The following OSBPL5 variants were observed in gnomAD, a reference collection of about 807,000 sequenced individuals.
The protein encoded by OSBPL5 is oxysterol binding protein like 5.
In OSBPL5, 71 loss-of-function variants were observed where a neutral mutation model predicts 111.2. That is an observed-to-expected ratio of 0.64 (90% CI 0.53 to 0.78). OSBPL5 has a LOEUF of 0.78. Among genes scored for constraint, OSBPL5 ranks in the 30% least tolerant of loss-of-function variants. The pLI, the probability that OSBPL5 is intolerant of heterozygous loss-of-function variation, is 0.00. For missense variants in OSBPL5, 1,210 were observed against 1,189.3 expected (o/e 1.02, Z -0.26); for synonymous variants, 549 against 513.9 (o/e 1.07, Z -0.93).
intron 1 of OSBPL5, among the ~76,000 whole-genome samples, chr11:3,160,474 G>A (rs1846923170): frequency 6.6e-6 from 1 of 152,220 alleles, no homozygotes; most frequent in Non-Finnish European, 1.5e-5. Flanking sequence ...TACAAATGCC[G>A]TTGCCTGGAG....
In OSBPL5 at chr11:3,161,216, T is replaced by G. The variant is rs1846955841; in HGVS notation, c.-22+4000A>C. ...TTTCCCCTTCATCCTTGTCTTCGTG[T>G]CAGCAGGGTGAGAGGGGATCTATGG... On this transcript the variant is annotated intron_variant, in intron 1 of 21. Coordinates refer to ENST00000263650, the MANE Select transcript of OSBPL5 (RefSeq NM_020896.4). The surrounding 1 kb of genome is among the most constrained non-coding windows in gnomAD (Gnocchi z 8.0). 1 of 152,252 alleles carries G rather than the reference T, an allele frequency of 6.6e-6. No individual in the cohort carries two copies. The highest frequency in any genetic ancestry group is 6.5e-5 in the Admixed American group (1 of 15,288). 9.4% of individuals were successfully genotyped at this position (152,252 alleles called of 1,614,324 possible). A position where few individuals can be genotyped will look rare whatever the true frequency, so the allele number is the denominator to read the frequency against.
chr11:3,112,062 T>TGC (rs75427714), intron 7 of OSBPL5, among the ~76,000 whole-genome samples: 2 of 62,694 alleles, frequency 3.2e-5, no homozygotes, highest in Admixed American at 1.4e-4. Context: ...TGTGCATGTG[T>TGC]ATGTGTGTGT....
chr11:3,132,571 AGCCCACTCTGTC>A (rs1845841492), intron 1 of OSBPL5, among the ~76,000 whole-genome samples: 1 of 150,118 alleles, frequency 6.7e-6, no homozygotes, highest in Admixed American at 6.6e-5. Context: ...CCCATTCCCC[AGCCCACTCTGTC>A]GCCCACTCTG....
rs1006867913 is a variant in OSBPL5, at chr11:3,106,706, G to A, written c.1059+557C>T. Among the ~76,000 whole-genome samples, 1 of 152,184 alleles carries A rather than the reference G, an allele frequency of 6.6e-6. No homozygotes were observed. Among genetic ancestry groups the A allele is most frequent in the Non-Finnish European group, 1.5e-5 (1 of 68,028 alleles). ...CTCACGTCTTCAGAAAGAGCCCATG[G>A]CCCGGTTTGCCTCCCTCACCTGCTC... On this transcript the variant is annotated intron_variant, in intron 9 of 21. Transcript: ENST00000263650. The surrounding 1 kb of genome is among the most constrained non-coding windows in gnomAD (Gnocchi z 8.4).
chr11:3,113,639 A>G lies in OSBPL5; in HGVS notation c.692-5694T>C, dbSNP rs1344945824. Reference sequence around the variant, plus strand: ...ACTGCACTCCAGCCTGGGAGACTAGAGCAAGACTCCGTCTCAAAAAAAAAA... The same window carrying G: ...ACTGCACTCCAGCCTGGGAGACTAGGGCAAGACTCCGTCTCAAAAAAAAAA... On this transcript the variant is annotated intron_variant, in intron 7 of 21. Transcript: ENST00000263650. The surrounding 1 kb of genome is among the most constrained non-coding windows in gnomAD (Gnocchi z 4.8). Among the ~76,000 whole-genome samples, 1 of 148,972 alleles carries G rather than the reference A, an allele frequency of 6.7e-6. No homozygotes were observed. Among genetic ancestry groups the G allele is most frequent in the Non-Finnish European group, 1.5e-5 (1 of 67,328 alleles).
At chr11:3,149,112 C>T (rs947048385) in intron 1 of OSBPL5, among the ~76,000 whole-genome samples, 4 of 152,238 alleles carry the variant, frequency 2.6e-5, no homozygotes, top group African/African-American at 7.2e-5. Flanking sequence ...CAGGCCACTC[C>T]AGCCCTGTGT....
At chr11:3,157,812 A>T (rs1846827232) in intron 1 of OSBPL5, among the ~76,000 whole-genome samples, 1 of 152,250 alleles carries the variant, frequency 6.6e-6, no homozygotes, top group African/African-American at 2.4e-5. Flanking sequence ...GGCACCTGCC[A>T]GCAGGGAGGG....
chr11:3,137,475 G>C (rs541008388), intron 1 of OSBPL5, among the ~76,000 whole-genome samples: 1 of 152,192 alleles, frequency 6.6e-6, no homozygotes. Flanking sequence ...CGCAAGGTGC[G>C]GGGAGCAGGG....
intron 21 of OSBPL5, among the ~76,000 whole-genome samples, chr11:3,088,828 G>A (rs1010233566): frequency 3.3e-5 from 5 of 152,158 alleles, no homozygotes; most frequent in Admixed American, 6.5e-5. Context: ...AGAAGCTGGC[G>A]TCTGCCAGGC....
chr11:3,123,456 G>A (rs929726880), intron 3 of OSBPL5, among the ~76,000 whole-genome samples: 4 of 152,360 alleles, frequency 2.6e-5, no homozygotes, highest in African/African-American at 7.2e-5. Flanking sequence ...CAGGCGATCC[G>A]GCAGGCGTTG....
intron 1 of OSBPL5, among the ~76,000 whole-genome samples, chr11:3,131,337 C>G (rs1337089983): frequency 2.0e-5 from 3 of 151,688 alleles, no homozygotes; most frequent in Non-Finnish European, 2.9e-5. Context: ...CATACATCTC[C>G]CTTCCAGGCA....
At chr11:3,131,882 C>CACTCATCT (rs1845814380) in intron 1 of OSBPL5, among the ~76,000 whole-genome samples, 4 of 144,502 alleles carry the variant, frequency 2.8e-5, no homozygotes, top group African/African-American at 7.8e-5. Context: ...TCCATCCACC[C>CACTCATCT]ATCCACCCAC....
At position 3,126,359 on chromosome 11, in the gene OSBPL5, C is replaced by G. The variant is rs11603057; in HGVS notation, c.219+114G>C. The G allele has an allele frequency of 0.12, 107,838 of 928,958 alleles. 6,673 individuals are homozygous for G. The highest frequency in any genetic ancestry group is 0.13 in the South Asian group (6,832 of 51,578). 57.5% of individuals were successfully genotyped at this position (928,958 alleles called of 1,614,324 possible). On this transcript the variant is annotated intron_variant, in intron 3 of 21. Coordinates refer to ENST00000263650, the MANE Select transcript of OSBPL5 (RefSeq NM_020896.4). The surrounding 1 kb of genome is among the most constrained non-coding windows in gnomAD (Gnocchi z 6.5). The stretch of plus-strand genomic sequence containing the variant: ...AGGATTGGGAGCTGTTTCCCCCGAA[C>G]AGGCTGGAATGGCAGGCTCAGCTGG...
At position 3,107,340 on chromosome 11, in the gene OSBPL5, C is replaced by T. The variant is rs1351932787; in HGVS notation, c.982G>A (p.Asp328Asn). Residue 328 changes from aspartate to asparagine, a missense_variant, in exon 9 of 22, where the codon GAC (aspartate) becomes AAC (asparagine). Physicochemically the swap from Asp to Asn is conservative, Grantham distance 23 (BLOSUM62 1). Coordinates refer to ENST00000263650, the MANE Select transcript of OSBPL5 (RefSeq NM_020896.4). The surrounding 1 kb of genome is among the most constrained non-coding windows in gnomAD (Gnocchi z 6.1). ...DHSRKTESGS[D>N]QSETPGAPVR... Reference sequence around the variant, plus strand: ...GGGGCCCCAGGGGTCTCTGACTGGTCGCTGCCACTCTCCGTCTTCCGGCTA... The same window carrying T: ...GGGGCCCCAGGGGTCTCTGACTGGTTGCTGCCACTCTCCGTCTTCCGGCTA... 1.9e-6 allele frequency: 3 copies of T among 1,613,960 alleles called. No homozygotes were observed. The highest frequency in any genetic ancestry group is 1.7e-5 in the Admixed American group (1 of 60,020).
chr11:3,097,329 G>A (rs187698249), intron 14 of OSBPL5, among the ~76,000 whole-genome samples: 42 of 152,162 alleles, frequency 2.8e-4, no homozygotes, highest in African/African-American at 8.7e-4. Context: ...AGGAACAGTC[G>A]CAGAAAGGCC....
Position 3,126,405 on chromosome 11 carries a change from C to T in OSBPL5, c.219+68G>A. 1 of 1,404,460 alleles carries T rather than the reference C, an allele frequency of 7.1e-7. No individual in the cohort carries two copies. Among genetic ancestry groups the T allele is most frequent in the South Asian group, 1.4e-5 (1 of 68,972 alleles). The allele number at this position is 1,404,460 out of a possible 1,614,324, so 87.0% of individuals were successfully genotyped here. ...GCTGGACGCCCTGCTGTCCTTTTCC[C>T]CAGCCGTTTCCTGCTGTCCCCAGAG... On this transcript the variant is annotated intron_variant, in intron 3 of 21. Coordinates refer to ENST00000263650, the MANE Select transcript of OSBPL5 (RefSeq NM_020896.4). The surrounding 1 kb of genome is among the most constrained non-coding windows in gnomAD (Gnocchi z 6.5).
chr11:3,123,527 C>T (rs1858496168), intron 3 of OSBPL5, among the ~76,000 whole-genome samples: 2 of 152,368 alleles, frequency 1.3e-5, no homozygotes, highest in Admixed American at 6.5e-5. Context: ...GCCTGCGCCG[C>T]GGCGGGGCCT....
chr11:3,097,286 CA>C (rs747926012), intron 14 of OSBPL5, among the ~76,000 whole-genome samples: 2 of 151,952 alleles, frequency 1.3e-5, no homozygotes, highest in Non-Finnish European at 2.9e-5. Context: ...TTCCACTAAG[CA>C]GGCACTCTCA....
rs1221605271 is a variant in OSBPL5, at chr11:3,134,334, G to T, written c.-21-5165C>A. Among the ~76,000 whole-genome samples, 7 of 152,278 alleles carry T rather than the reference G, an allele frequency of 4.6e-5. No homozygotes were observed. In the East Asian group the frequency reaches 1.2e-3, roughly 25 times the overall value. On this transcript the variant is annotated intron_variant, in intron 1 of 21. Transcript: ENST00000263650. ...AGCAGGCACGACTTCCATTGTTGGG[G>T]GTTGCCTGTGTCCCCAGGAACCAAT...
Sources: allele counts gnomAD v4.1 joint callset (sites outside exome capture counted in the v4.1 genomes callset), GRCh38; gene constraint gnomAD v4.1.1; non-coding constraint Gnocchi (gnomAD v3.1); transcripts MANE v1.5; gene names NCBI Gene and HGNC (gene_info 2026-07-23, HGNC 2026-07-21).